RAB43: variants seen among roughly 807,000 people sequenced by gnomAD.
RAB43 encodes the protein ras-related protein Rab-43.
RAB43 carries 6 observed loss-of-function variants against 18.8 expected under a neutral mutation model. The observed-to-expected ratio is 0.32, with a 90% confidence interval of 0.17 to 0.63. The LOEUF is 0.63. Among genes scored for constraint, RAB43 ranks in the 30% least tolerant of loss-of-function variants. The probability of loss-of-function intolerance (pLI) is 0.79; values close to 1 mark genes in which losing one functional copy is unlikely to be tolerated. For synonymous variants in RAB43, 103 were observed against 124.1 expected (o/e 0.83, Z 1.13); for missense variants, 195 against 289.1 (o/e 0.67, Z 2.36).
chr3:129,110,268 G>A (rs1327835461), intron 1 of RAB43, among the ~76,000 whole-genome samples: 2 of 152,194 alleles, frequency 1.3e-5, no homozygotes, highest in Non-Finnish European at 2.9e-5. Flanking sequence ...CAACGTGGAA[G>A]AGAACTGATC....
At chr3:129,108,156 T>C (rs1180937433) in intron 1 of RAB43, among the ~76,000 whole-genome samples, 1 of 152,194 alleles carries the variant, frequency 6.6e-6, no homozygotes, top group Non-Finnish European at 1.5e-5. Context: ...TAGGAATCTC[T>C]CATGAATCTT....
At chr3:129,106,707 G>T (rs1443357214) in intron 1 of RAB43, among the ~76,000 whole-genome samples, 2 of 152,138 alleles carry the variant, frequency 1.3e-5, no homozygotes, top group African/African-American at 4.8e-5. Context: ...GGTGTCGGGG[G>T]CACAAATTCT....
At chr3:129,098,503 G>A (rs1454626360) in intron 1 of RAB43, among the ~76,000 whole-genome samples, 1 of 152,114 alleles carries the variant, frequency 6.6e-6, no homozygotes, top group African/African-American at 2.4e-5. Context: ...ATATACTATT[G>A]AAAATTGCTA....
intron 1 of RAB43, among the ~76,000 whole-genome samples, chr3:129,111,833 AT>A (rs1935191896): frequency 6.6e-6 from 1 of 152,206 alleles, no homozygotes; most frequent in African/African-American, 2.4e-5. Context: ...ATTGAAAAAA[AT>A]ATATAAACAT....
At chr3:129,098,070 A>T (rs1211065879) in intron 1 of RAB43, among the ~76,000 whole-genome samples, 1 of 152,214 alleles carries the variant, frequency 6.6e-6, no homozygotes, top group African/African-American at 2.4e-5. Context: ...GCTCTTGACC[A>T]GAGAGTGCCC....
At chr3:129,102,797 C>T (rs1934512782) in intron 1 of RAB43, among the ~76,000 whole-genome samples, 1 of 149,882 alleles carries the variant, frequency 6.7e-6, no homozygotes, top group Admixed American at 6.6e-5. Context: ...CCAGACCCCT[C>T]CCCACCCCAA....
At chr3:129,116,797 C>T (rs1307669169) in intron 1 of RAB43, among the ~76,000 whole-genome samples, 5 of 152,268 alleles carry the variant, frequency 3.3e-5, no homozygotes, top group African/African-American at 1.2e-4. Flanking sequence ...CTGACCTCTG[C>T]GCTGGACTTG....
At chr3:129,099,442 A>G (rs1246713419) in intron 1 of RAB43, among the ~76,000 whole-genome samples, 1 of 150,090 alleles carries the variant, frequency 6.7e-6, no homozygotes, top group Non-Finnish European at 1.5e-5. Context: ...GCTGGAGTGC[A>G]ATGGCACGAT....
intron 1 of RAB43, among the ~76,000 whole-genome samples, chr3:129,116,898 T>A (rs1313677073): frequency 6.8e-6 from 1 of 147,350 alleles, no homozygotes; most frequent in Admixed American, 7.0e-5. Flanking sequence ...AGCTTCAGAA[T>A]GTTTTAAGGA....
chr3:129,121,071 C>G lies in RAB43; in HGVS notation c.204+215G>C, dbSNP rs935789419. On this transcript the variant is annotated intron_variant, in intron 1 of 2. Transcript: ENST00000315150. ...GCCGCCTCCTCCACACTCCCTCGCC[C>G]CCCCCCCCCCCAGCAACCCACGGCC... Among the ~76,000 whole-genome samples, 33 of 9,002 alleles carry G rather than the reference C, an allele frequency of 3.7e-3. 1 individual carries two copies. The highest frequency in any genetic ancestry group is 0.012 in the African/African-American group (32 of 2,622). 5.9% of individuals were successfully genotyped at this position (9,002 alleles called of 152,430 possible).
intron 1 of RAB43, among the ~76,000 whole-genome samples, chr3:129,120,363 C>T (rs940182028): frequency 6.6e-6 from 1 of 152,200 alleles, no homozygotes; most frequent in African/African-American, 2.4e-5. Flanking sequence ...TGGCAGAGAT[C>T]GTCCCAGCCC....
At chr3:129,106,071 G>A (rs947007025) in intron 1 of RAB43, among the ~76,000 whole-genome samples, 1 of 152,194 alleles carries the variant, frequency 6.6e-6, no homozygotes, top group Non-Finnish European at 1.5e-5. Flanking sequence ...CCTAGTTCAC[G>A]TTCCCACTGA....
chr3:129,121,156 G>C (rs897176085), intron 1 of RAB43, 130 bp downstream of exon 1: 2 of 866,386 alleles, frequency 2.3e-6, no homozygotes, highest in South Asian at 1.8e-5. Context: ...TCCGACCCGA[G>C]GAAGGAAAAA....
At chr3:129,105,232 T>G (rs1311033240) in intron 1 of RAB43, among the ~76,000 whole-genome samples, 1 of 152,120 alleles carries the variant, frequency 6.6e-6, no homozygotes, top group Non-Finnish European at 1.5e-5. Flanking sequence ...GTGGGCAGAT[T>G]ACCTCAGGCC....
intron 1 of RAB43, among the ~76,000 whole-genome samples, chr3:129,101,706 A>G (rs1284904891): frequency 2.0e-5 from 3 of 152,222 alleles, no homozygotes; most frequent in Admixed American, 2.0e-4. Flanking sequence ...GTGAAGAAGG[A>G]AACTGGGAGG....
chr3:129,120,341 C>T (rs76675016), intron 1 of RAB43, among the ~76,000 whole-genome samples: 5,232 of 152,288 alleles, frequency 0.034, 208 homozygotes, highest in East Asian at 0.11. Flanking sequence ...GCTCCAGTGA[C>T]TCCCATCTCC....
intron 2 of RAB43, among the ~76,000 whole-genome samples, chr3:129,093,798 G>C (rs962293221): frequency 3.3e-5 from 5 of 152,150 alleles, no homozygotes; most frequent in Non-Finnish European, 7.3e-5. Context: ...GAATCAACCT[G>C]TTGGCCCAGC....
At chr3:129,120,395 A>G (rs920145889) in intron 1 of RAB43, among the ~76,000 whole-genome samples, 4 of 152,198 alleles carry the variant, frequency 2.6e-5, no homozygotes, top group African/African-American at 9.7e-5. Context: ...GGTGTCCTGA[A>G]GATCATGGGG....
chr3:129,091,765 C>CAA (rs199961275), intron 2 of RAB43, among the ~76,000 whole-genome samples: 1 of 140,258 alleles, frequency 7.1e-6, no homozygotes, highest in African/African-American at 2.6e-5. Context: ...ATAAGGAAGA[C>CAA]AAAAAAAAAA....
Sources: allele counts gnomAD v4.1 joint callset (sites outside exome capture counted in the v4.1 genomes callset), GRCh38; gene constraint gnomAD v4.1.1; transcripts MANE v1.5; gene names NCBI Gene and HGNC (gene_info 2026-07-23, HGNC 2026-07-21).